GCNT1: variants seen among roughly 807,000 people sequenced by gnomAD.
The protein encoded by GCNT1 is glucosaminyl (N-acetyl) transferase 1.
Under a neutral mutation model 26.2 loss-of-function variants are expected in GCNT1, and 16 were observed. The observed-to-expected ratio is 0.61, with a 90% CI of 0.41 to 0.93. The LOEUF is 0.93. Among genes scored for constraint, GCNT1 ranks in the 40% least tolerant of loss-of-function variants. The pLI is 0.00. For synonymous variants in GCNT1, 183 were observed against 190.8 expected (o/e 0.96, Z 0.34); for missense variants, 477 against 526.7 (o/e 0.91, Z 0.92).
chr9:76,434,059 A>C (rs1268814895), intron 1 of GCNT1, among the ~76,000 whole-genome samples: 1 of 152,212 alleles, frequency 6.6e-6, no homozygotes, highest in Non-Finnish European at 1.5e-5. Flanking sequence ...TGCATGACTC[A>C]GATCAGAGTC....
rs1825217792 is a variant in GCNT1 at position 76,505,655 on chromosome 9, T to A, written c.*1987T>A. The A allele has an allele frequency of 2.4e-5, 4 of 167,082 alleles. No individual in the cohort carries two copies. 10.3% of individuals were successfully genotyped at this position (167,082 alleles called of 1,614,324 possible). ...GTAAAACAGTAGAGTGAACACCATG[T>A]AACCCTCACCTGGTGTTAACATTGT... On this transcript the variant is annotated 3_prime_UTR_variant, in exon 4 of 4. Coordinates refer to ENST00000376730, the MANE Select transcript of GCNT1 (RefSeq NM_001490.5).
At chr9:76,425,913 C>G (rs552228617) in intron 1 of GCNT1, among the ~76,000 whole-genome samples, 1 of 152,222 alleles carries the variant, frequency 6.6e-6, no homozygotes, top group Admixed American at 6.5e-5. Flanking sequence ...GTGGTGCCAG[C>G]TGATCCATCA....
intron 1 of GCNT1, among the ~76,000 whole-genome samples, chr9:76,445,424 T>C (rs539430218): frequency 6.6e-6 from 1 of 152,012 alleles, no homozygotes; most frequent in East Asian, 1.9e-4. Context: ...GTCTCACTCT[T>C]TCACCCAGGC....
intron 2 of GCNT1, among the ~76,000 whole-genome samples, chr9:76,468,952 A>G (rs1211319701): frequency 1.3e-5 from 2 of 152,258 alleles, no homozygotes; most frequent in African/African-American, 4.8e-5. Context: ...ACTGGGAAAC[A>G]GAATTGTCAT....
rs1825233197 is a variant in GCNT1, at chr9:76,506,141, A to G, written c.*2473A>G. ...GGTTTGAAAAGGAAACCTATGATACATGCAGGAGAAGCAAAACCCAAGTGA... is the reference window on the plus strand; with the variant it reads ...GGTTTGAAAAGGAAACCTATGATACGTGCAGGAGAAGCAAAACCCAAGTGA... On this transcript the variant is annotated 3_prime_UTR_variant, in exon 4 of 4. Transcript: ENST00000376730. 1 of 167,100 alleles carries G rather than the reference A, an allele frequency of 6.0e-6. No homozygotes were observed. Among genetic ancestry groups the G allele is most frequent in the Admixed American group, 6.5e-5 (1 of 15,286 alleles). 10.4% of individuals were successfully genotyped at this position (167,100 alleles called of 1,614,324 possible).
chr9:76,442,674 C>A (rs1479209320), intron 1 of GCNT1, among the ~76,000 whole-genome samples: 2 of 151,928 alleles, frequency 1.3e-5, no homozygotes, highest in Non-Finnish European at 2.9e-5. Flanking sequence ...GAGTGAGACT[C>A]CATCTCAAAA....
intron 2 of GCNT1, among the ~76,000 whole-genome samples, chr9:76,492,317 A>G (rs1246226049): frequency 6.6e-6 from 1 of 152,172 alleles, no homozygotes; most frequent in African/African-American, 2.4e-5. Flanking sequence ...TAATAAAGGT[A>G]TGGGACTTTC....
At chr9:76,490,458 G>A (rs190476161) in intron 2 of GCNT1, among the ~76,000 whole-genome samples, 18 of 152,318 alleles carry the variant, frequency 1.2e-4, no homozygotes, top group African/African-American at 3.8e-4. Context: ...AGAGGTATTA[G>A]TTGTATGGCC....
intron 2 of GCNT1, among the ~76,000 whole-genome samples, chr9:76,478,417 C>T (rs1020150879): frequency 4.6e-5 from 7 of 152,124 alleles, no homozygotes; most frequent in African/African-American, 1.7e-4. Context: ...AGACCACGAA[C>T]CCACGGGAAG....
intron 1 of GCNT1, among the ~76,000 whole-genome samples, chr9:76,429,691 G>C (rs2131576081): frequency 6.6e-6 from 1 of 150,760 alleles, no homozygotes; most frequent in East Asian, 1.9e-4. Context: ...ATGAATAGAA[G>C]GTTTTCAAGC....
chr9:76,474,258 T>C (rs1824207684), intron 2 of GCNT1, among the ~76,000 whole-genome samples: 1 of 152,164 alleles, frequency 6.6e-6, no homozygotes, highest in Non-Finnish European at 1.5e-5. Context: ...TTAAAATGTA[T>C]AGTAAATGTA....
At chr9:76,394,601 C>T in the GCNT1 span, 1 of 154,940 alleles carries the variant, frequency 6.5e-6, no homozygotes, top group African/African-American at 2.5e-5. Context: ...GCCGCAAGCT[C>T]CCGCTGCAGG....
At chr9:76,460,220 C>T (rs892616556) in intron 2 of GCNT1, 43 bp downstream of exon 2, 2 of 152,270 alleles carry the variant, frequency 1.3e-5, no homozygotes, top group Non-Finnish European at 2.9e-5. Flanking sequence ...TGCATATAAA[C>T]GTTGCCCTGT....
intron 2 of GCNT1, among the ~76,000 whole-genome samples, chr9:76,484,990 T>C (rs969937822): frequency 3.3e-5 from 5 of 152,028 alleles, no homozygotes; most frequent in African/African-American, 1.2e-4. Context: ...GGTTTCACCA[T>C]GTTGGCCAGG....
chr9:76,493,676 G>A (rs1020489116), intron 2 of GCNT1, among the ~76,000 whole-genome samples: 1 of 152,144 alleles, frequency 6.6e-6, no homozygotes, highest in Admixed American at 6.5e-5. Context: ...ATCATTAATA[G>A]GAAGGAGAGC....
chr9:76,483,817 A>T (rs1437264866), intron 2 of GCNT1, among the ~76,000 whole-genome samples: 1 of 151,984 alleles, frequency 6.6e-6, no homozygotes, highest in African/African-American at 2.4e-5. Flanking sequence ...AATGATTCTG[A>T]AAAACTTTTT....
intron 1 of GCNT1, among the ~76,000 whole-genome samples, chr9:76,421,159 G>C (rs903843864): frequency 6.6e-6 from 1 of 152,100 alleles, no homozygotes; most frequent in Non-Finnish European, 1.5e-5. Flanking sequence ...ACTTGTGTGC[G>C]AATTGTTAAT....
chr9:76,413,679 T>G, the GCNT1 span, among the ~76,000 whole-genome samples: 12 of 150,056 alleles, frequency 8.0e-5, no homozygotes, highest in Non-Finnish European at 1.8e-4. Flanking sequence ...TTTTTTTTTT[T>G]TTTTTGGCAT....
intron 2 of GCNT1, among the ~76,000 whole-genome samples, chr9:76,483,908 G>T (rs1197031962): frequency 6.6e-6 from 1 of 152,116 alleles, no homozygotes; most frequent in Non-Finnish European, 1.5e-5. Context: ...TGGAACTCTT[G>T]GGCTCAAGTG....
Sources: gnomAD v4.1 joint callset for allele counts (sites outside exome capture counted in the v4.1 genomes callset) on GRCh38, gnomAD v4.1.1 for gene constraint, MANE v1.5 for transcripts, NCBI Gene and HGNC (gene_info 2026-07-23, HGNC 2026-07-21) for gene names.